The following EML2 variants were observed in gnomAD, a reference collection of about 807,000 sequenced individuals.
EML2 encodes EMAP like 2, also known as echinoderm microtubule-associated protein-like 2.
Under a neutral mutation model 84.7 loss-of-function variants are expected in EML2, and 59 were observed. The observed-to-expected ratio is 0.70, with a 90% CI of 0.56 to 0.86. The LOEUF is 0.86. Ranked by LOEUF, EML2 falls within the 40% of genes least tolerant of loss-of-function variation. The pLI is 0.00. For missense variants in EML2, 818 were observed against 855.6 expected, an observed-to-expected ratio of 0.96 and a Z score of 0.55; for synonymous variants, 352 against 348.9, an observed-to-expected ratio of 1.01 and a Z score of -0.10.
chr19:45,614,697 T>A lies in EML2; in HGVS notation c.1601A>T (p.Asp534Val). ...GGTGATCTGCTTACAGGTAGCCGGG[T>A]CCCCTGGGGCAGAAAATGGGAGGAG... is the stretch of plus-strand genomic sequence containing the variant. ...NSGDYEILYW[D>V]PATCKQITSA... Residue 534 changes from aspartate to valine, a missense_variant, in exon 17 of 19, where the codon GAC becomes GTC. By Grantham distance (152) the Asp-to-Val change is radical. Transcript: ENST00000245925. 12 of 1,613,700 alleles carry A rather than the reference T, an allele frequency of 7.4e-6. No individual in the cohort carries two copies. Among genetic ancestry groups the A allele is most frequent in the African/African-American group, 1.3e-5 (1 of 75,012 alleles).
intron 18 of EML2, among the ~76,000 whole-genome samples, chr19:45,610,017 T>C (rs1970322372): frequency 6.6e-6 from 1 of 152,054 alleles, no homozygotes; most frequent in African/African-American, 2.4e-5. Context: ...GGATCACAGA[T>C]ATGCGCCCCC....
upstream of EML2, chr19:45,643,434 C>T: frequency 4.1e-6 from 4 of 977,896 alleles, no homozygotes; most frequent in South Asian, 1.4e-5. Flanking sequence ...CTCTGTACCC[C>T]GCGCCCCAGA....
rs138590950 is a variant in EML2 at position 45,621,514 on chromosome 19, C to T, written c.965G>A (p.Gly322Asp). 1.2e-6 allele frequency: 2 copies of T among 1,611,808 alleles called. No homozygotes were observed. Among genetic ancestry groups the T allele is most frequent in the Admixed American group, 1.7e-5 (1 of 59,984 alleles). The change falls in exon 10 of 19, where the codon GGT (glycine) becomes GAT (aspartate). Residue 322 changes from glycine (G) to aspartate (D), a missense_variant. Transcript: ENST00000245925. Reference protein sequence around the residue: ...GGRDRRVVLWGSDYSKLQEVE... With the variant: ...GGRDRRVVLWDSDYSKLQEVE... ...TTCCTGCAGCTTGCTGTAGTCAGAA[C>T]CCCAGAGGACCACCCGCCGATCACG...
chr19:45,619,568 C>T (rs1223532543), intron 11 of EML2: 1 of 160,382 alleles, frequency 6.2e-6, no homozygotes, highest in Non-Finnish European at 1.4e-5. Context: ...TGCATCCAGA[C>T]AGAGCCCAGA....
At chr19:45,611,900 G>A (rs1970541767) in intron 18 of EML2, among the ~76,000 whole-genome samples, 1 of 151,980 alleles carries the variant, frequency 6.6e-6, no homozygotes, top group South Asian at 2.1e-4. Context: ...TTATGACGGA[G>A]CCTTGCTGTC....
intron 3 of EML2, among the ~76,000 whole-genome samples, chr19:45,636,961 A>T (rs371512689): frequency 2.0e-5 from 3 of 152,378 alleles, no homozygotes; most frequent in Admixed American, 1.3e-4. Flanking sequence ...ATGATTGTCA[A>T]TATACATATA....
In EML2 at chr19:45,632,667, T is replaced by A. The variant is rs750006793; in HGVS notation, c.510+194A>T. The A allele has an allele frequency of 8.7e-6, 5 of 573,302 alleles. No homozygotes were observed. The Admixed American group carries it at 1.5e-4, about 18-fold the overall frequency. 35.5% of individuals were successfully genotyped at this position (573,302 alleles called of 1,614,324 possible). On this transcript the variant is annotated intron_variant, in intron 6 of 18. Transcript: ENST00000245925. ...CCCTAGGCACTGGGTTTAAAATGCCTGAGAGGGCTGGGCGGGCACGGTGAC... is the reference window on the plus strand; with the variant it reads ...CCCTAGGCACTGGGTTTAAAATGCCAGAGAGGGCTGGGCGGGCACGGTGAC...
intron 6 of EML2, among the ~76,000 whole-genome samples, chr19:45,632,218 C>T (rs1973135026): frequency 6.7e-6 from 1 of 148,692 alleles, no homozygotes; most frequent in Non-Finnish European, 1.5e-5. Context: ...GTACGAGTCT[C>T]GCTCTGTCGC....
intron 8 of EML2, among the ~76,000 whole-genome samples, chr19:45,625,293 T>A (rs1406978869): frequency 6.6e-6 from 1 of 151,544 alleles, no homozygotes; most frequent in Non-Finnish European, 1.5e-5. Flanking sequence ...CAGGCTGGAG[T>A]GCAGTGGCGT....
rs1568457333 is a variant in EML2, at chr19:45,624,740, TC to T, written c.819del (p.Asn274ThrfsTer120). On this transcript the variant is annotated frameshift_variant, in exon 9 of 19. Coordinates refer to ENST00000245925, the MANE Select transcript of EML2 (RefSeq NM_012155.4). LOFTEE classifies it high-confidence loss of function. ...GGDVVTGDSG[G>X]NLYVWGKGGN... ...TGACCTTTGCCCCAAACATAGAGGT[TC>T]CCCCCAGAGTCCCCCGTGACCACGT... 1 of 1,613,410 alleles carries T rather than the reference TC, an allele frequency of 6.2e-7. No individual in the cohort carries two copies. The highest frequency in any genetic ancestry group is 1.1e-5 in the South Asian group (1 of 91,028).
chr19:45,630,771 A>AT (rs1400538259), intron 6 of EML2, among the ~76,000 whole-genome samples: 2 of 152,164 alleles, frequency 1.3e-5, no homozygotes, highest in African/African-American at 4.8e-5. Context: ...TCTCATTTGC[A>AT]TTTACATATA....
At chr19:45,645,270 C>T (rs1441842832), upstream of EML2, 1 of 1,533,448 alleles carries the variant, frequency 6.5e-7, no homozygotes, top group East Asian at 2.5e-5. Flanking sequence ...GGAGGGGTCT[C>T]ACCGTTGCAG....
Position 45,626,756 on chromosome 19 carries a change from G to A in EML2, c.690C>T (p.Tyr230=). 1.9e-6 allele frequency: 3 copies of A among 1,613,910 alleles called. No homozygotes were observed. Among genetic ancestry groups the A allele is most frequent in the Non-Finnish European group, 2.5e-6 (3 of 1,179,948 alleles). ...VLITCGKSHI[Y]FWTLEGGSLS... ...AGCTGCCCCCCTCCAAGGTCCAGAA[G>A]TAGATGTGAGATTTCCCGCAGGTGA... The change falls in exon 8 of 19, where the codon TAC becomes TAT. Residue 230 remains tyrosine, a synonymous_variant. Coordinates refer to ENST00000245925, the MANE Select transcript of EML2 (RefSeq NM_012155.4).
chr19:45,644,484 G>A (rs529354049), upstream of EML2, among the ~76,000 whole-genome samples: 1 of 152,134 alleles, frequency 6.6e-6, no homozygotes, highest in Non-Finnish European at 1.5e-5. Flanking sequence ...AGTTAATAGA[G>A]GTGCTTTCAT....
upstream of EML2, chr19:45,641,518 T>TC: frequency 1.0e-6 from 1 of 963,344 alleles, no homozygotes; most frequent in Non-Finnish European, 1.5e-6. Flanking sequence ...TCTGGCACCG[T>TC]CCCCGCTTTT....
At chr19:45,643,233 T>A (rs1004636933), upstream of EML2, among the ~76,000 whole-genome samples, 2 of 152,002 alleles carry the variant, frequency 1.3e-5, no homozygotes, top group African/African-American at 2.4e-5. Flanking sequence ...TTTCCCCTCC[T>A]CTCCTCACCC....
upstream of EML2, chr19:45,639,438 G>T: frequency 8.1e-7 from 1 of 1,240,642 alleles, no homozygotes; most frequent in Non-Finnish European, 1.0e-6. Flanking sequence ...GCCGCTTCCG[G>T]CCCTGGGAGG....
At chr19:45,626,431 A>C (rs1600146443) in intron 8 of EML2, among the ~76,000 whole-genome samples, 1 of 123,962 alleles carries the variant, frequency 8.1e-6, no homozygotes, top group East Asian at 2.4e-4. Flanking sequence ...TCGTTCTATC[A>C]CCCAGGCTGG....
intron 14 of EML2, 66 bp from the exon 15 acceptor site, chr19:45,616,624 GC>G: frequency 6.9e-7 from 1 of 1,443,866 alleles, no homozygotes; most frequent in South Asian, 1.2e-5. Context: ...CCCAGACTCA[GC>G]CCCCTCAACA....
Sources: gnomAD v4.1 joint callset for allele counts (sites outside exome capture counted in the v4.1 genomes callset) on GRCh38, gnomAD v4.1.1 for gene constraint, MANE v1.5 for transcripts, NCBI Gene and HGNC (gene_info 2026-07-23, HGNC 2026-07-21) for gene names.